Variants in P2RY8 observed in about 807,000 individuals in gnomAD.
P2RY8 encodes P2Y receptor family member 8.
P2RY8 carries 6 observed loss-of-function variants against 10.0 expected under a neutral mutation model. The observed-to-expected ratio is 0.60, with a 90% confidence interval of 0.33 to 1.19. P2RY8 has a LOEUF of 1.19. Ranked by LOEUF, P2RY8 falls within the 50% of genes most tolerant of loss-of-function variation. P2RY8 has a pLI of 0.04. For missense variants in P2RY8, 456 were observed against 542.0 expected (o/e 0.84, Z 1.58); for synonymous variants, 276 against 252.5 (o/e 1.09, Z -0.88).
intron 1 of P2RY8, among the ~76,000 whole-genome samples, chrX:1,466,805 C>G (rs779887275): frequency 1.5e-5 from 2 of 136,304 alleles, no homozygotes; most frequent in African/African-American, 2.6e-5. Flanking sequence ...TTCTTTTCTT[C>G]TTTCCTGTCT....
chrX:1,502,257 T>C (rs1163618101), intron 1 of P2RY8, among the ~76,000 whole-genome samples: 1 of 152,102 alleles, frequency 6.6e-6, no homozygotes, highest in Non-Finnish European at 1.5e-5. Context: ...TTATGAGGAG[T>C]GGGACCACAT....
chrX:1,487,045 C>T (rs1394478675), intron 1 of P2RY8, among the ~76,000 whole-genome samples: 6 of 152,200 alleles, frequency 3.9e-5, no homozygotes, highest in Admixed American at 1.3e-4. Flanking sequence ...AGGTCCCTAC[C>T]GGGGTGTCTG....
At chrX:1,496,194 G>A (rs1263759612) in intron 1 of P2RY8, among the ~76,000 whole-genome samples, 1 of 152,204 alleles carries the variant, frequency 6.6e-6, no homozygotes, top group Non-Finnish European at 1.5e-5. Flanking sequence ...AACTTGGGAT[G>A]CTGCTGAGAC....
intron 1 of P2RY8, among the ~76,000 whole-genome samples, chrX:1,468,760 CCT>C (rs2091731311): frequency 5.2e-3 from 2 of 382 alleles, no homozygotes; most frequent in East Asian, 0.083. Context: ...TCCCCTCTCC[CCT>C]CTCCCCTCTC....
At position 1,500,723 on chromosome X, in the gene P2RY8, C is replaced by T. The variant is rs149557698; in HGVS notation, c.-24-34141G>A. ...TAGCCCTCCCAAAGTCTTGGGATTA[C>T]AGGCGAGAGGCCCTGCGCCCGGCCA... On this transcript the variant is annotated intron_variant, in intron 1 of 1. Coordinates refer to ENST00000381297, the MANE Select transcript of P2RY8 (RefSeq NM_178129.5). Among the ~76,000 whole-genome samples the T allele has an allele frequency of 4.4e-3, 666 of 152,250 alleles. 5 individuals carry two copies. Among genetic ancestry groups the T allele is most frequent in the African/African-American group, 0.016 (645 of 41,544 alleles).
At chrX:1,475,134 G>C (rs2091861196) in intron 1 of P2RY8, among the ~76,000 whole-genome samples, 1 of 150,394 alleles carries the variant, frequency 6.6e-6, no homozygotes, top group Admixed American at 6.6e-5. Context: ...TGGATGGATG[G>C]ATCAGTGTTT....
intron 1 of P2RY8, among the ~76,000 whole-genome samples, chrX:1,469,205 C>G: frequency 6.9e-6 from 1 of 144,608 alleles, no homozygotes; most frequent in Non-Finnish European, 1.5e-5. Context: ...AGTCTGTCAT[C>G]CAGGCTGGAA....
At chrX:1,478,372 G>A (rs1363742967) in intron 1 of P2RY8, among the ~76,000 whole-genome samples, 1 of 152,040 alleles carries the variant, frequency 6.6e-6, no homozygotes, top group African/African-American at 2.4e-5. Flanking sequence ...ATAAGAGATT[G>A]CAGAGAGGTT....
chrX:1,503,275 C>T (rs1374089000), intron 1 of P2RY8, among the ~76,000 whole-genome samples: 3 of 152,212 alleles, frequency 2.0e-5, no homozygotes, highest in African/African-American at 7.2e-5. Flanking sequence ...TCTCAGACTT[C>T]TGGCCCCCGG....
Position 1,487,067 on chromosome X carries a change from G to A in P2RY8, c.-24-20485C>T, listed in dbSNP as rs1366003645. ...TACCGGGGTGTCTGGGGCCGGCTGCGCAAGCCTTCCCTGTCTGTGGTCACT... is the reference window on the plus strand; with the variant it reads ...TACCGGGGTGTCTGGGGCCGGCTGCACAAGCCTTCCCTGTCTGTGGTCACT... On this transcript the variant is annotated intron_variant, in intron 1 of 1. Transcript: ENST00000381297. Among the ~76,000 whole-genome samples, 9 of 152,224 alleles carry A rather than the reference G, an allele frequency of 5.9e-5. No homozygotes were observed. The East Asian group carries it at 7.7e-4, about 13-fold the overall frequency.
chrX:1,513,156 G>A (rs1471381710), intron 1 of P2RY8, among the ~76,000 whole-genome samples: 5 of 151,874 alleles, frequency 3.3e-5, no homozygotes, highest in South Asian at 2.1e-4. Flanking sequence ...TTTGCTGAGA[G>A]TGACTTTCTG....
intron 1 of P2RY8, among the ~76,000 whole-genome samples, chrX:1,498,181 C>T (rs746300403): frequency 2.1e-4 from 32 of 152,026 alleles, no homozygotes; most frequent in South Asian, 1.2e-3. Flanking sequence ...CCGAGGCGGG[C>T]AGATCGCGAG....
chrX:1,469,969 T>G (rs771066884), intron 1 of P2RY8, among the ~76,000 whole-genome samples: 1 of 152,242 alleles, frequency 6.6e-6, no homozygotes, highest in South Asian at 2.1e-4. Context: ...ACCATAAGCT[T>G]TCACTCATTC....
At chrX:1,480,826 G>T (rs2091926189) in intron 1 of P2RY8, among the ~76,000 whole-genome samples, 1 of 149,966 alleles carries the variant, frequency 6.7e-6, no homozygotes, top group Non-Finnish European at 1.5e-5. Flanking sequence ...AAAATAAAAA[G>T]AAAATAAAAG....
chrX:1,499,118 C>T (rs1200208444), intron 1 of P2RY8, among the ~76,000 whole-genome samples: 1 of 151,214 alleles, frequency 6.6e-6, no homozygotes, highest in African/African-American at 2.4e-5. Context: ...CAGGCATGAG[C>T]CCCTGCACCC....
At chrX:1,525,092 G>A (rs1287994184) in intron 1 of P2RY8, among the ~76,000 whole-genome samples, 1 of 152,222 alleles carries the variant, frequency 6.6e-6, no homozygotes, top group Non-Finnish European at 1.5e-5. Context: ...CAGTGCAGAG[G>A]GTTTGAGTGG....
intron 1 of P2RY8, among the ~76,000 whole-genome samples, chrX:1,488,763 T>TGTGTGA (rs1556678206): frequency 2.7e-5 from 4 of 150,076 alleles, no homozygotes; most frequent in Admixed American, 1.3e-4. Flanking sequence ...TGTGTGTGTG[T>TGTGTGA]GATACAGGAC....
intron 1 of P2RY8, among the ~76,000 whole-genome samples, chrX:1,482,985 C>T (rs1801448018): frequency 6.6e-6 from 1 of 151,920 alleles, no homozygotes; most frequent in African/African-American, 2.4e-5. Context: ...GGAGATATAC[C>T]TAATGCTAAA....
chrX:1,474,495 G>A (rs1250470855), intron 1 of P2RY8, among the ~76,000 whole-genome samples: 1 of 115,480 alleles, frequency 8.7e-6, no homozygotes, highest in Non-Finnish European at 2.0e-5. Flanking sequence ...GATGAGGATG[G>A]GTAGATGGAT....
Sources: allele counts gnomAD v4.1 joint callset (sites outside exome capture counted in the v4.1 genomes callset), GRCh38; gene constraint gnomAD v4.1.1; transcripts MANE v1.5; gene names NCBI Gene and HGNC (gene_info 2026-07-23, HGNC 2026-07-21).